UNC79: variants seen among roughly 807,000 people sequenced by gnomAD.
UNC79 encodes protein unc-79 homolog.
A neutral mutation model predicts 283.1 loss-of-function variants in UNC79; 37 were observed. The observed-to-expected ratio is 0.13, with a 90% CI of 0.10 to 0.17. The LOEUF is 0.17. Among genes scored for constraint, UNC79 ranks in the 10% least tolerant of loss-of-function variants. UNC79 has a pLI of 1.00. For synonymous variants in UNC79, 1,107 were observed against 1,200.2 expected (o/e 0.92, Z 1.61); for missense variants, 2,272 against 3,211.1 (o/e 0.71, Z 7.07).
intron 30 of UNC79, among the ~76,000 whole-genome samples, chr14:93,625,595 C>CA (rs2067510132): frequency 6.6e-6 from 1 of 152,158 alleles, no homozygotes; most frequent in Admixed American, 6.5e-5. Flanking sequence ...TTCATGATCT[C>CA]AGTTTCATCT....
At chr14:93,522,988 T>C (rs2060392055) in intron 7 of UNC79, among the ~76,000 whole-genome samples, 1 of 152,210 alleles carries the variant, frequency 6.6e-6, no homozygotes, top group Non-Finnish European at 1.5e-5. Flanking sequence ...TGAATTATAA[T>C]TGAATATGTA....
chr14:93,575,193 C>T lies in UNC79; in HGVS notation c.2206C>T (p.Arg736Ter). The change falls in exon 17 of 49, where the codon CGA (arginine) becomes TGA (stop). Residue 736 changes from arginine (R) to a stop codon, truncating the protein, a stop_gained. Coordinates refer to ENST00000555664, the Ensembl canonical transcript of UNC79. LOFTEE classifies it high-confidence loss of function. ...TGAACTGGCAGGGAACCTTGCATCT[C>T]GAAGGGTAATTATTGCCACATTTGT... 1.2e-6 allele frequency: 2 copies of T among 1,613,430 alleles called. No homozygotes were observed. Among genetic ancestry groups the T allele is most frequent in the Non-Finnish European group, 1.7e-6 (2 of 1,179,870 alleles).
At chr14:93,661,610 CA>C (rs571596405) in intron 39 of UNC79, among the ~76,000 whole-genome samples, 32 of 152,296 alleles carry the variant, frequency 2.1e-4, no homozygotes, top group African/African-American at 7.5e-4. Context: ...TGGTCTTAGG[CA>C]AATTGCTTGT....
chr14:93,356,026 C>CT (rs56265512), intron 1 of UNC79, among the ~76,000 whole-genome samples: 2,095 of 122,492 alleles, frequency 0.017, 37 homozygotes, highest in Middle Eastern at 0.039. Context: ...TACTAGTGTA[C>CT]TTTTTTTTTT....
chr14:93,590,572 T>A (rs1056931195), intron 22 of UNC79, among the ~76,000 whole-genome samples: 2 of 152,140 alleles, frequency 1.3e-5, no homozygotes, highest in Non-Finnish European at 2.9e-5. Context: ...ACTTGCCAAA[T>A]GGACTGTTAG....
rs1229909876 is a variant in UNC79, at chr14:93,404,513, T to TATATATATATATATATATAA, written c.-350-63157_-350-63156insTATATATATATATATATAAA. On this transcript the variant is annotated intron_variant, in intron 1 of 49. Transcript: ENST00000256339. The stretch of plus-strand genomic sequence containing the variant: ...AAAAAAATATATATATATATATATA[T>TATATATATATATATATATAA]AAATATATACATATTATATATTATT... Among the ~76,000 whole-genome samples the TATATATATATATATATATAA allele has an allele frequency of 3.6e-3, 404 of 113,088 alleles. 9 individuals are homozygous for TATATATATATATATATATAA. Among genetic ancestry groups the TATATATATATATATATATAA allele is most frequent in the African/African-American group, 6.0e-3 (178 of 29,656 alleles). The allele number at this position is 113,088 out of a possible 152,430, so 74.2% of individuals were successfully genotyped here. A position where few individuals can be genotyped will look rare whatever the true frequency, so the allele number is the denominator to read the frequency against.
rs1194029861 is a variant in UNC79 at position 93,474,824 on chromosome 14, C to G, written c.448+431C>G. On this transcript the variant is annotated intron_variant, in intron 3 of 48. Coordinates refer to ENST00000555664, the Ensembl canonical transcript of UNC79. The surrounding 1 kb of genome is among the most constrained non-coding windows in gnomAD (Gnocchi z 4.1). ...TTTGAGGGAGCAAATTCTCTAGGAC[C>G]CATTTTTTCCTGTCTCTTTAATAAA... 6.6e-6 allele frequency among the ~76,000 whole-genome samples: 1 copy of G among 152,046 alleles called. No homozygotes were observed. The highest frequency in any genetic ancestry group is 1.5e-5 in the Non-Finnish European group (1 of 68,014).
intron 48 of UNC79, among the ~76,000 whole-genome samples, chr14:93,706,484 G>A (rs1214300991): frequency 6.6e-6 from 1 of 152,128 alleles, no homozygotes; most frequent in Non-Finnish European, 1.5e-5. Context: ...CTGTCAAGGT[G>A]AGCATGTCAT....
chr14:93,425,348 A>G (rs1040025059), upstream of UNC79, among the ~76,000 whole-genome samples: 1 of 152,198 alleles, frequency 6.6e-6, no homozygotes, highest in Non-Finnish European at 1.5e-5. Context: ...GATCCATACC[A>G]TGACACATGG....
rs758168875 is a variant in UNC79, at chr14:93,582,091, GC to G, written c.2662-111del. ...GGTGCCTTGGCCTCTGGCCTCAGCA[GC>G]ATGGGACCCGAGACACAGCAGGTGT... On this transcript the variant is annotated intron_variant, in intron 19 of 48. Transcript: ENST00000555664. The G allele has an allele frequency of 2.2e-5, 34 of 1,546,692 alleles. No individual in the cohort carries two copies. The East Asian group carries it at 3.6e-4, about 16-fold the overall frequency.
At chr14:93,477,453 G>A (rs1566972212) in intron 3 of UNC79, 105 bp from the exon 4 acceptor site, 1 of 903,714 alleles carries the variant, frequency 1.1e-6, no homozygotes, top group Non-Finnish European at 1.6e-6. Flanking sequence ...TGGAGCACTA[G>A]TTGCTTATAA....
intron 31 of UNC79, among the ~76,000 whole-genome samples, chr14:93,636,293 G>A (rs573220649): frequency 2.0e-5 from 3 of 152,100 alleles, no homozygotes; most frequent in East Asian, 3.9e-4. Flanking sequence ...TTTCTTTCCC[G>A]AGTTTTCCTG....
chr14:93,352,983 C>T (rs1413587601), intron 1 of UNC79, among the ~76,000 whole-genome samples: 1 of 152,178 alleles, frequency 6.6e-6, no homozygotes, highest in South Asian at 2.1e-4. Context: ...CATAGACATA[C>T]AATATGATAC....
intron 27 of UNC79, among the ~76,000 whole-genome samples, chr14:93,615,720 C>CAAAAAAAAAAAAA (rs1158073507): frequency 2.1e-3 from 48 of 23,226 alleles, no homozygotes; most frequent in Non-Finnish European, 2.8e-3. Context: ...GACTCCATCT[C>CAAAAAAAAAAAAA]AAAAAAAAAA....
Position 93,653,809 on chromosome 14 carries a change from G to A in UNC79, c.6151G>A (p.Ala2051Thr), listed in dbSNP as rs1205522436. The stretch of plus-strand genomic sequence containing the variant: ...CCTGCGCTGCATCTTCCATCAGTTG[G>A]CCCCCAACGGCATCTTCCCGCAGCT... Residue 2051 changes from alanine to threonine, a missense_variant, in exon 36 of 49, where the codon GCC (alanine) becomes ACC (threonine). Ala to Thr is a moderately conservative substitution (Grantham distance 58). This residue lies in a region of UNC79 where 287 missense variants were observed against 446.4 expected (regional missense o/e 0.64). Coordinates refer to ENST00000555664, the Ensembl canonical transcript of UNC79. 6.8e-6 allele frequency: 11 copies of A among 1,614,084 alleles called. No homozygotes were observed. In the East Asian group the frequency reaches 2.0e-4, roughly 29 times the overall value.
chr14:93,524,144 C>A, intron 8 of UNC79, 102 bp downstream of exon 8: 2 of 1,291,516 alleles, frequency 1.5e-6, no homozygotes, highest in South Asian at 1.3e-5. Flanking sequence ...AGAGGCATGT[C>A]CTCTGTAGTA....
At chr14:93,482,067 A>G (rs1256290159) in intron 4 of UNC79, among the ~76,000 whole-genome samples, 1 of 152,218 alleles carries the variant, frequency 6.6e-6, no homozygotes, top group Non-Finnish European at 1.5e-5. Flanking sequence ...GAATAGCCTT[A>G]AAATATCATG....
intron 40 of UNC79, among the ~76,000 whole-genome samples, chr14:93,672,789 A>G (rs974526987): frequency 2.6e-5 from 4 of 152,212 alleles, no homozygotes; most frequent in Admixed American, 1.3e-4. Flanking sequence ...AAATATGTAC[A>G]AATATTATGT....
chr14:93,636,914 A>C (rs911286446), intron 31 of UNC79, among the ~76,000 whole-genome samples: 1 of 152,064 alleles, frequency 6.6e-6, no homozygotes, highest in East Asian at 1.9e-4. Context: ...TTCGTTTCCT[A>C]TCTGGAGATA....
Sources: gnomAD v4.1 joint callset for allele counts (sites outside exome capture counted in the v4.1 genomes callset) on GRCh38, gnomAD v4.1.1 for gene constraint, gnomAD v4.1.1 regional missense constraint, Gnocchi (gnomAD v3.1) non-coding constraint, MANE v1.5 for transcripts, NCBI Gene and HGNC (gene_info 2026-07-23, HGNC 2026-07-21) for gene names.